The following DGAT1 variants were observed in gnomAD, a reference collection of about 807,000 sequenced individuals.
DGAT1 encodes the protein ACAT related gene product 1.
Under a neutral mutation model 72.6 loss-of-function variants are expected in DGAT1, and 60 were observed. That is an observed-to-expected ratio of 0.83 (90% CI 0.67 to 1.02). DGAT1 has a LOEUF of 1.02. Among genes scored for constraint, DGAT1 ranks in the 50% least tolerant of loss-of-function variants. DGAT1 has a pLI of 0.00. For missense variants in DGAT1, 592 were observed against 670.0 expected, an observed-to-expected ratio of 0.88 and a Z score of 1.29; for synonymous variants, 290 against 267.5, an observed-to-expected ratio of 1.08 and a Z score of -0.82.
Position 144,317,904 on chromosome 8 carries a change from C to T in DGAT1, c.855+10G>A. 2.6e-6 allele frequency: 4 copies of T among 1,529,298 alleles called. No homozygotes were observed. The highest frequency in any genetic ancestry group is 4.3e-5 in the Admixed American group (2 of 46,308). The allele number at this position is 1,529,298 out of a possible 1,614,324, so 94.7% of individuals were successfully genotyped here. A position where few individuals can be genotyped will look rare whatever the true frequency, so the allele number is the denominator to read the frequency against. On this transcript the variant is annotated intron_variant, in intron 9 of 16. Transcript: ENST00000528718. ...AGCCTCCAGTGGCTGCCCCCAGCCC[C>T]CAACCTCACCATCTCAAGGATCCGT...
At position 144,317,949 on chromosome 8, in the gene DGAT1, G is replaced by T. The variant is rs199537660; in HGVS notation, c.820C>A (p.Arg274=). 358 of 1,519,432 alleles carry T rather than the reference G, an allele frequency of 2.4e-4. 1 individual carries two copies. The highest frequency in any genetic ancestry group is 3.0e-4 in the Non-Finnish European group (345 of 1,135,898). The allele number at this position is 1,519,432 out of a possible 1,614,324, so 94.1% of individuals were successfully genotyped here. The change falls in exon 9 of 17, where the codon CGG becomes AGG. Residue 274 remains arginine, a synonymous_variant. Transcript: ENST00000528718. ...ELNFPRSPRI[R]KRFLLRRILE... is the part of the protein sequence containing the mutation. Reference sequence around the variant, plus strand: ...ATCCGTCGCAGCAGAAAGCGCTTCCGGATGCGGGGAGAGCGGGGAAAGTTG... The same window carrying T: ...ATCCGTCGCAGCAGAAAGCGCTTCCTGATGCGGGGAGAGCGGGGAAAGTTG...
In DGAT1 at chr8:144,315,972, C is replaced by T. The variant is rs1164715762; in HGVS notation, c.*582G>A. 2.2e-5 allele frequency: 22 copies of T among 985,582 alleles called. No homozygotes were observed. Among genetic ancestry groups the T allele is most frequent in the Non-Finnish European group, 2.5e-5 (21 of 829,910 alleles). The allele number at this position is 985,582 out of a possible 1,614,324, so 61.1% of individuals were successfully genotyped here. ...CTTCCCGCAAACCCAGGGCCGACCTCTTCCCAAGCTGAAGCTGAGCACGGT... is the reference window on the plus strand; with the variant it reads ...CTTCCCGCAAACCCAGGGCCGACCTTTTCCCAAGCTGAAGCTGAGCACGGT... On this transcript the variant is annotated 3_prime_UTR_variant, in exon 17 of 17. Transcript: ENST00000528718.
At position 144,316,657 on chromosome 8, in the gene DGAT1, G is replaced by T. The variant is rs984784208; in HGVS notation, c.1364C>A (p.Ala455Glu). ...GATGATGAGCGACAGCCACACAGCT[G>T]CGTTGCCATAGTTGCCCTGGAAAAA... ...GRFFQGNYGNAAVWLSLIIGQ... is the reference protein window; with the variant it reads ...GRFFQGNYGNEAVWLSLIIGQ... The change falls in exon 17 of 17, where the codon GCA becomes GAA. Residue 455 changes from alanine (A) to glutamate (E), a missense_variant. Transcript: ENST00000528718. The T allele has an allele frequency of 5.6e-6, 9 of 1,611,742 alleles. No homozygotes were observed. Among genetic ancestry groups the T allele is most frequent in the Non-Finnish European group, 7.6e-6 (9 of 1,179,490 alleles).
intron 1 of DGAT1, 46 bp from the exon 2 acceptor site, chr8:144,321,454 G>T (rs1554848136): frequency 3.2e-6 from 5 of 1,571,700 alleles, no homozygotes; most frequent in Non-Finnish European, 4.4e-6. Context: ...CACCAGCAGG[G>T]CAGCGCCACC....
chr8:144,321,799 G>A (rs1450666979), intron 1 of DGAT1, among the ~76,000 whole-genome samples: 1 of 152,244 alleles, frequency 6.6e-6, no homozygotes, highest in Non-Finnish European at 1.5e-5. Flanking sequence ...GATGGACCAG[G>A]GGGCACTGCC....
rs1817162810 is a variant in DGAT1 at position 144,315,297 on chromosome 8, C to T, written c.*1257G>A. 2 of 985,382 alleles carry T rather than the reference C, an allele frequency of 2.0e-6. No individual in the cohort carries two copies. The highest frequency in any genetic ancestry group is 4.7e-5 in the South Asian group (1 of 21,294). The allele number at this position is 985,382 out of a possible 1,614,324, so 61.0% of individuals were successfully genotyped here. On this transcript the variant is annotated 3_prime_UTR_variant, in exon 17 of 17. Transcript: ENST00000528718. ...CCCACTACTGCCATCCTCAGCAGGG[C>T]CCAAGGAGATGCCTCCATCTCAGGG...
Position 144,316,641 on chromosome 8 carries a change from C to T in DGAT1, c.1380G>A (p.Ser460=), listed in dbSNP as rs782051207. 1.1e-5 allele frequency: 18 copies of T among 1,609,932 alleles called. No homozygotes were observed. Among genetic ancestry groups the T allele is most frequent in the East Asian group, 4.5e-5 (2 of 44,798 alleles). Residue 460 remains serine (S), a synonymous_variant, in exon 17 of 17, where the codon TCG becomes TCA. Transcript: ENST00000528718. ...CGGCTATTGGCTGTCCGATGATGAGCGACAGCCACACAGCTGCGTTGCCAT... is the reference window on the plus strand; with the variant it reads ...CGGCTATTGGCTGTCCGATGATGAGTGACAGCCACACAGCTGCGTTGCCAT... ...GNYGNAAVWL[S]LIIGQPIAVL... is the part of the protein sequence containing the mutation.
In DGAT1 at chr8:144,317,439, T is replaced by C. The variant is rs1817279792; in HGVS notation, c.988A>G (p.Asn330Asp). The change falls in exon 13 of 17, where the codon AAT becomes GAT. Residue 330 changes from asparagine (N) to aspartate (D), a missense_variant. Asn to Asp is a conservative substitution (Grantham distance 23). Coordinates refer to ENST00000528718, the MANE Select transcript of DGAT1 (RefSeq NM_012079.6). ...AAGAAGATGAGCCAGATGAGGTGAT[T>C]GGGGACCTGGCAGGGAGGTGGGGGT... is the stretch of plus-strand genomic sequence containing the variant. ...IERLLKLAVPNHLIWLIFFYW... is the reference protein window; with the variant it reads ...IERLLKLAVPDHLIWLIFFYW... 4.3e-6 allele frequency: 7 copies of C among 1,613,812 alleles called. No individual in the cohort carries two copies. Among genetic ancestry groups the C allele is most frequent in the Non-Finnish European group, 5.9e-6 (7 of 1,179,968 alleles).
rs1554848853 is a variant in DGAT1, at chr8:144,326,662, C to A, written c.-26G>T. The A allele has an allele frequency of 8.5e-7, 1 of 1,178,006 alleles. No individual in the cohort carries two copies. 73.0% of individuals were successfully genotyped at this position (1,178,006 alleles called of 1,614,324 possible). ...GGCCTCAGCCCGCACCCGGCCGCAGCCAAGCGTGGGCCCGCCGGGTTCGTA... is the reference window on the plus strand; with the variant it reads ...GGCCTCAGCCCGCACCCGGCCGCAGACAAGCGTGGGCCCGCCGGGTTCGTA... On this transcript the variant is annotated 5_prime_UTR_variant, in exon 1 of 17. Coordinates refer to ENST00000528718, the MANE Select transcript of DGAT1 (RefSeq NM_012079.6).
At position 144,318,628 on chromosome 8, in the gene DGAT1, C is replaced by CT. The variant is rs1817337759; in HGVS notation, c.469-63dup. 32 of 1,604,248 alleles carry CT rather than the reference C, an allele frequency of 2.0e-5. No homozygotes were observed. In the South Asian group the frequency reaches 3.3e-4, roughly 17 times the overall value. ...ATTGCCTGGGAGAGGGCTGCCAGGC[C>CT]TGGGGAGCAGCTCCTCCCAGGAGCG... On this transcript the variant is annotated intron_variant, in intron 5 of 16. Transcript: ENST00000528718.
chr8:144,315,347 G>C lies in DGAT1; in HGVS notation c.*1207C>G. 1.0e-6 allele frequency: 1 copy of C among 985,494 alleles called. No individual in the cohort carries two copies. Among genetic ancestry groups the C allele is most frequent in the Non-Finnish European group, 1.2e-6 (1 of 829,970 alleles). The allele number at this position is 985,494 out of a possible 1,614,324, so 61.0% of individuals were successfully genotyped here. On this transcript the variant is annotated 3_prime_UTR_variant, in exon 17 of 17. Transcript: ENST00000528718. ...GCCCACCAGCCCCCACTGGGGTAGA[G>C]GGAGGATACCACCAAGGGAGCCCAC... is the stretch of plus-strand genomic sequence containing the variant.
intron 16 of DGAT1, 22 bp downstream of exon 16, chr8:144,316,831 A>C (rs782165062): frequency 3.2e-5 from 52 of 1,605,444 alleles, no homozygotes; most frequent in Middle Eastern, 1.6e-4. Flanking sequence ...GCGAGTGAGG[A>C]GGCCACGTGG....
chr8:144,319,110 G>C (rs1167240230), intron 2 of DGAT1, 42 bp from the exon 3 acceptor site: 1 of 1,549,136 alleles, frequency 6.5e-7, no homozygotes, highest in Admixed American at 2.0e-5. Context: ...TTTAGTCCTG[G>C]CCACAGGGTA....
Position 144,316,327 on chromosome 8 carries a change from G to A in DGAT1, c.*227C>T, listed in dbSNP as rs781784778. 40 of 600,286 alleles carry A rather than the reference G, an allele frequency of 6.7e-5. No individual in the cohort carries two copies. Among genetic ancestry groups the A allele is most frequent in the Non-Finnish European group, 9.7e-5 (34 of 351,188 alleles). 37.2% of individuals were successfully genotyped at this position (600,286 alleles called of 1,614,324 possible). A position where few individuals can be genotyped will look rare whatever the true frequency, so the allele number is the denominator to read the frequency against. ...CACTTTATTGACACCCTCGGACCCG[G>A]GGCAGGGTCAGCAAGACTCCCAGCT... is the stretch of plus-strand genomic sequence containing the variant. On this transcript the variant is annotated 3_prime_UTR_variant, in exon 17 of 17. Coordinates refer to ENST00000528718, the MANE Select transcript of DGAT1 (RefSeq NM_012079.6).
At chr8:144,317,621 C>T (rs782339366) in intron 11 of DGAT1, 33 bp from the exon 12 acceptor site, 2 of 1,613,862 alleles carry the variant, frequency 1.2e-6, no homozygotes, top group African/African-American at 2.7e-5. Context: ...TAGCCATGCT[C>T]CTGGTCACTC....
At position 144,317,716 on chromosome 8, in the gene DGAT1, CA is replaced by C; in HGVS notation, c.895-5del. The C allele has an allele frequency of 6.2e-7, 1 of 1,613,776 alleles. No individual in the cohort carries two copies. The highest frequency in any genetic ancestry group is 2.2e-5 in the East Asian group (1 of 44,882). On this transcript the variant is annotated splice_region_variant and splice_polypyrimidine_tract_variant and intron_variant, in intron 10 of 16. Transcript: ENST00000528718. ...TCTGGATGGTGGGGACCATCCACTG[CA>C]AAGGAGGGCACCACGTCAGCTCCCA...
At position 144,317,009 on chromosome 8, in the gene DGAT1, C is replaced by T. The variant is rs1554847173; in HGVS notation, c.1248+13G>A. On this transcript the variant is annotated intron_variant, in intron 15 of 16. Transcript: ENST00000528718. Reference sequence around the variant, plus strand: ...GCCCAGGGATGAGGCAAGATGCCCCCCAGAGCACTGACCTCGTGGAAGAAG... The same window carrying T: ...GCCCAGGGATGAGGCAAGATGCCCCTCAGAGCACTGACCTCGTGGAAGAAG... 6.2e-7 allele frequency: 1 copy of T among 1,612,114 alleles called. No homozygotes were observed. Among genetic ancestry groups the T allele is most frequent in the South Asian group, 1.1e-5 (1 of 91,072 alleles).
chr8:144,319,011 C>A lies in DGAT1; in HGVS notation c.329+17G>T, dbSNP rs1817362656. On this transcript the variant is annotated intron_variant, in intron 3 of 16. Transcript: ENST00000528718. ...GCCATGGGTGGGGCAGGGGTGGGAC[C>A]TGGCAAAGGCACTCACTTGATGAGG... 2.6e-6 allele frequency: 4 copies of A among 1,558,644 alleles called. No homozygotes were observed. The highest frequency in any genetic ancestry group is 3.5e-6 in the Non-Finnish European group (4 of 1,151,334).
Position 144,326,557 on chromosome 8 carries a change from G to T in DGAT1, c.80C>A (p.Ala27Glu). Residue 27 changes from alanine to glutamate, a missense_variant, in exon 1 of 17, where the codon GCG becomes GAG. Ala to Glu is a moderately radical substitution (Grantham distance 107, BLOSUM62 -1). Coordinates refer to ENST00000528718, the MANE Select transcript of DGAT1 (RefSeq NM_012079.6). ...SSHGGGGPAA[A>E]EEEVRDAAAG... Reference sequence around the variant, plus strand: ...AGCGGCGTCCCGCACCTCCTCTTCCGCCGCCGCAGGCCCGCCGCCGCCGTG... The same window carrying T: ...AGCGGCGTCCCGCACCTCCTCTTCCTCCGCCGCAGGCCCGCCGCCGCCGTG... 8.0e-7 allele frequency: 1 copy of T among 1,255,810 alleles called. No individual in the cohort carries two copies. Among genetic ancestry groups the T allele is most frequent in the South Asian group, 3.0e-5 (1 of 32,948 alleles). The allele number at this position is 1,255,810 out of a possible 1,614,324, so 77.8% of individuals were successfully genotyped here.
Sources: allele counts gnomAD v4.1 joint callset (sites outside exome capture counted in the v4.1 genomes callset), GRCh38; gene constraint gnomAD v4.1.1; transcripts MANE v1.5; gene names NCBI Gene and HGNC (gene_info 2026-07-23, HGNC 2026-07-21).